Variants in DST observed in about 807,000 individuals in gnomAD.
The protein encoded by DST is bullous pemphigoid antigen.
In DST, 253 loss-of-function variants were observed where a neutral mutation model predicts 875.2. That is an observed-to-expected ratio of 0.29 (90% CI 0.26 to 0.32). The LOEUF is 0.32. DST is among the 10% of genes least tolerant of loss of function. DST has a pLI of 1.00. For synonymous variants in DST, 3,124 were observed against 3,197.1 expected (o/e 0.98, Z 0.77); for missense variants, 8,287 against 9,111.6 (o/e 0.91, Z 3.68).
chr6:56,900,354 C>T, intron 3 of DST, 67 bp downstream of exon 3: 1 of 1,248,914 alleles, frequency 8.0e-7, no homozygotes, highest in Non-Finnish European at 1.1e-6. Context: ...TGTTTTTAAA[C>T]TAAAAGAACA....
At position 56,636,545 on chromosome 6, in the gene DST, C is replaced by G. The variant is rs1220465107; in HGVS notation, c.3060+12G>C. The G allele has an allele frequency of 6.2e-6, 10 of 1,606,848 alleles. No individual in the cohort carries two copies. The highest frequency in any genetic ancestry group is 8.5e-6 in the Non-Finnish European group (10 of 1,175,722). ...AATACCATCTATTGAAGTTATGATT[C>G]TACTCACATACCTCGAAATACGCTG... On this transcript the variant is annotated intron_variant, in intron 23 of 103. Coordinates refer to ENST00000680361, the MANE Select transcript of DST (RefSeq NM_001374736.1).
intron 97 of DST, among the ~76,000 whole-genome samples, chr6:56,469,355 G>GA (rs557927558): frequency 0.09 from 12,803 of 142,360 alleles, 649 homozygotes; most frequent in Non-Finnish European, 0.12. Context: ...TTCCAAAAGA[G>GA]AAAAAAAAAA....
intron 55 of DST, among the ~76,000 whole-genome samples, chr6:56,563,900 A>G (rs1393280471): frequency 6.6e-6 from 1 of 152,022 alleles, no homozygotes; most frequent in Non-Finnish European, 1.5e-5. Context: ...GTGTGGTGTT[A>G]TTTCTGAGGC....
At chr6:56,467,597 A>G (rs989228341) in intron 98 of DST, 12 of 152,198 alleles carry the variant, frequency 7.9e-5, no homozygotes, top group Admixed American at 7.9e-4. Context: ...GGATTTAAAG[A>G]AAATTACCCT....
chr6:56,663,111 T>G (rs2099053673), intron 10 of DST, among the ~76,000 whole-genome samples: 1 of 152,220 alleles, frequency 6.6e-6, no homozygotes, highest in Admixed American at 6.5e-5. Context: ...AAATATTACA[T>G]GCCAAATTAC....
At chr6:56,907,307 G>A (rs187805789) in intron 2 of DST, among the ~76,000 whole-genome samples, 2 of 152,266 alleles carry the variant, frequency 1.3e-5, no homozygotes, top group East Asian at 1.9e-4. Flanking sequence ...AATCTGTAAC[G>A]CACACAATTT....
intron 2 of DST, among the ~76,000 whole-genome samples, chr6:56,945,575 G>A (rs1818995928): frequency 6.8e-6 from 1 of 148,106 alleles, no homozygotes; most frequent in Non-Finnish European, 1.5e-5. Flanking sequence ...AGGTGACTCT[G>A]AACCTAGAGA....
chr6:56,501,427 A>G, intron 79 of DST, 93 bp downstream of exon 79: 1 of 1,175,138 alleles, frequency 8.5e-7, no homozygotes, highest in South Asian at 2.0e-5. Context: ...TATGAGAAGC[A>G]GAAATAATTC....
intron 2 of DST, among the ~76,000 whole-genome samples, chr6:56,937,217 A>G (rs1813464654): frequency 6.6e-6 from 1 of 152,156 alleles, no homozygotes; most frequent in Non-Finnish European, 1.5e-5. Flanking sequence ...TTAAAAAGAC[A>G]CCATTAAGTA....
chr6:56,473,739 C>T, intron 93 of DST, 134 bp downstream of exon 93: 1 of 821,348 alleles, frequency 1.2e-6, no homozygotes, highest in Non-Finnish European at 1.9e-6. Flanking sequence ...ACACGTATTC[C>T]TTCTAGAAAG....
intron 4 of DST, among the ~76,000 whole-genome samples, chr6:56,778,228 G>C (rs74366276): frequency 6.6e-6 from 1 of 151,838 alleles, no homozygotes; most frequent in Non-Finnish European, 1.5e-5. Flanking sequence ...GCAACACCAT[G>C]AATTAGGATA....
chr6:56,640,007 G>T lies in DST; in HGVS notation c.2541C>A (p.Ser847Arg), dbSNP rs1261221128. ...GAACATTTTTATGATTTTCTAAATG[G>T]CTTTCAACACTTGGCAAATCTGAGC... is the stretch of plus-strand genomic sequence containing the variant. ...EWGSDLPSVESHLENHKNVHR... is the reference protein window; with the variant it reads ...EWGSDLPSVERHLENHKNVHR... Residue 847 changes from serine to arginine, a missense_variant, in exon 19 of 104, where the codon AGC (serine) becomes AGA (arginine). By Grantham distance (110) the Ser-to-Arg change is moderately radical (BLOSUM62 -1). Around this residue, in one of 10 missense-constraint regions of DST, gnomAD observed 1,160 missense variants for 1,424.3 expected, o/e 0.81. Transcript: ENST00000680361. 1 of 1,613,788 alleles carries T rather than the reference G, an allele frequency of 6.2e-7. No homozygotes were observed. The highest frequency in any genetic ancestry group is 2.2e-5 in the East Asian group (1 of 44,862).
At chr6:56,505,497 A>G (rs1052534101) in intron 77 of DST, among the ~76,000 whole-genome samples, 2 of 151,960 alleles carry the variant, frequency 1.3e-5, no homozygotes, top group Non-Finnish European at 2.9e-5. Context: ...AAAAAAAAGA[A>G]GAGGGAGGGA....
At chr6:56,875,342 C>A (rs1273393565) in intron 3 of DST, among the ~76,000 whole-genome samples, 2 of 152,200 alleles carry the variant, frequency 1.3e-5, no homozygotes, top group Non-Finnish European at 2.9e-5. Context: ...CAGGTCTCAT[C>A]ACATTAGACA....
At chr6:56,808,812 G>GA (rs965269184) in intron 4 of DST, among the ~76,000 whole-genome samples, 3 of 152,180 alleles carry the variant, frequency 2.0e-5, no homozygotes, top group African/African-American at 7.2e-5. Flanking sequence ...GCTAATAATA[G>GA]AAACTAGACA....
At position 56,775,696 on chromosome 6, in the gene DST, A is replaced by G. The variant is rs571609101; in HGVS notation, c.626-40407T>C. 2.0e-5 allele frequency among the ~76,000 whole-genome samples: 3 copies of G among 152,358 alleles called. No homozygotes were observed. The South Asian group carries it at 6.2e-4, about 32-fold the overall frequency. On this transcript the variant is annotated intron_variant, in intron 4 of 103. Coordinates refer to ENST00000680361, the MANE Select transcript of DST (RefSeq NM_001374736.1). ...AAAAACAAAGCAAAGGAGCATAGCG[A>G]AAGCACACAGGAGCAAACCTGAAAG...
At chr6:56,699,045 T>A (rs1220554372) in intron 9 of DST, among the ~76,000 whole-genome samples, 1 of 152,186 alleles carries the variant, frequency 6.6e-6, no homozygotes, top group Admixed American at 6.5e-5. Flanking sequence ...GTTAGGAATC[T>A]CCTTAAATCA....
rs771150217 is a variant in DST, at chr6:56,604,478, T to G, written c.10150A>C (p.Ile3384Leu). Residue 3384 changes from isoleucine (I) to leucine (L), a missense_variant, in exon 40 of 104, where the codon ATT (isoleucine) becomes CTT (leucine). Physicochemically the swap from Ile to Leu is conservative, Grantham distance 5. This residue lies in a region of DST where 3,138 missense variants were observed against 3,116.6 expected (regional missense o/e 1.01). Coordinates refer to ENST00000680361, the MANE Select transcript of DST (RefSeq NM_001374736.1). ...CTTTTAATTAAATTTTGAATTAAAA[T>G]TTTAGTGTCTGCACAGGCTGAAGGT... ...EEPSACADTK[I>L]LIQNLIKRIT... is the part of the protein sequence containing the mutation. 6.2e-7 allele frequency: 1 copy of G among 1,611,778 alleles called. No individual in the cohort carries two copies. Among genetic ancestry groups the G allele is most frequent in the African/African-American group, 1.3e-5 (1 of 74,832 alleles).
rs575797282 is a variant in DST, at chr6:56,681,638, T to G, written c.1048-10831A>C. 3.3e-5 allele frequency among the ~76,000 whole-genome samples: 5 copies of G among 152,342 alleles called. No homozygotes were observed. In the East Asian group the frequency reaches 9.6e-4, roughly 29 times the overall value. ...TGTCTCTTGTTAGATCTTCTAGCCC[T>G]CTAATATGTGAGCAGTATATCCTGA... On this transcript the variant is annotated intron_variant, in intron 9 of 103. Transcript: ENST00000680361.
Sources: gnomAD v4.1 joint callset for allele counts (sites outside exome capture counted in the v4.1 genomes callset) on GRCh38, gnomAD v4.1.1 for gene constraint, gnomAD v4.1.1 regional missense constraint, MANE v1.5 for transcripts, NCBI Gene and HGNC (gene_info 2026-07-23, HGNC 2026-07-21) for gene names.